The following ARHGAP10 variants were observed in gnomAD, a reference collection of about 807,000 sequenced individuals.
The protein encoded by ARHGAP10 is Rho GTPase activating protein 10, also known as rho GTPase-activating protein 10.
In ARHGAP10, 87 loss-of-function variants were observed where a neutral mutation model predicts 108.6. That is an observed-to-expected ratio of 0.80 (90% CI 0.67 to 0.96). The LOEUF is 0.96. Among genes scored for constraint, ARHGAP10 ranks in the 40% least tolerant of loss-of-function variants. ARHGAP10 has a pLI of 0.00. For missense variants in ARHGAP10, 939 were observed against 954.5 expected (o/e 0.98, Z 0.21); for synonymous variants, 347 against 341.1 (o/e 1.02, Z -0.19).
At chr4:147,952,992 G>T (rs573104898) in intron 15 of ARHGAP10, among the ~76,000 whole-genome samples, 3 of 151,924 alleles carry the variant, frequency 2.0e-5, no homozygotes, top group African/African-American at 4.8e-5. Context: ...GTTCTAGTAC[G>T]ATTTGTAGGA....
At position 148,027,340 on chromosome 4, in the gene ARHGAP10, A is replaced by G. The variant is rs763876286; in HGVS notation, c.1867+3927A>G. ...GAAAACAAAATCATCTTGCAAGCCA[A>G]TTGGCAAGATTTAATAACATTTGAG... On this transcript the variant is annotated intron_variant, in intron 19 of 22. Coordinates refer to ENST00000336498, the MANE Select transcript of ARHGAP10 (RefSeq NM_024605.4). Among the ~76,000 whole-genome samples, 13 of 152,352 alleles carry G rather than the reference A, an allele frequency of 8.5e-5. 1 individual carries two copies. Among genetic ancestry groups the G allele is most frequent in the South Asian group, 6.2e-4 (3 of 4,828 alleles).
chr4:147,753,841 G>A (rs910448556), intron 1 of ARHGAP10, among the ~76,000 whole-genome samples: 5 of 152,174 alleles, frequency 3.3e-5, no homozygotes, highest in African/African-American at 9.7e-5. Context: ...AGGCTGCACC[G>A]TTTAATAATT....
chr4:147,732,476 G>A (rs774903098), intron 1 of ARHGAP10, 21 bp downstream of exon 1: 12 of 1,608,442 alleles, frequency 7.5e-6, no homozygotes, highest in Non-Finnish European at 1.0e-5. Context: ...ACGCGGGCGC[G>A]GACGGGCTGC....
At chr4:147,753,012 A>G (rs1025766165) in intron 1 of ARHGAP10, among the ~76,000 whole-genome samples, 3 of 152,244 alleles carry the variant, frequency 2.0e-5, no homozygotes, top group Non-Finnish European at 2.9e-5. Context: ...AGATTCACCT[A>G]TGAGGAGCCT....
chr4:147,770,956 G>T (rs1367815090), intron 1 of ARHGAP10, among the ~76,000 whole-genome samples: 4 of 152,126 alleles, frequency 2.6e-5, no homozygotes, highest in African/African-American at 4.8e-5. Context: ...TTGTCACATG[G>T]TCTTACCTCT....
chr4:148,060,354 T>C (rs1003975501), intron 20 of ARHGAP10, among the ~76,000 whole-genome samples: 3 of 151,448 alleles, frequency 2.0e-5, no homozygotes, highest in African/African-American at 7.3e-5. Context: ...AGTTTTTTTT[T>C]TTTTTTTTTT....
intron 1 of ARHGAP10, among the ~76,000 whole-genome samples, chr4:147,741,496 T>A (rs1728654168): frequency 6.6e-6 from 1 of 152,106 alleles, no homozygotes; most frequent in Non-Finnish European, 1.5e-5. Context: ...ACAATGTACA[T>A]GGAGAATTCT....
At chr4:147,874,513 A>T (rs1158434929) in intron 7 of ARHGAP10, among the ~76,000 whole-genome samples, 1 of 152,186 alleles carries the variant, frequency 6.6e-6, no homozygotes, top group East Asian at 1.9e-4. Context: ...TGCAATTGCC[A>T]TGACCTGGAA....
intron 11 of ARHGAP10, among the ~76,000 whole-genome samples, chr4:147,906,997 T>G (rs914791622): frequency 1.3e-5 from 2 of 152,188 alleles, no homozygotes; most frequent in African/African-American, 4.8e-5. Flanking sequence ...AATTTCATCT[T>G]TCCTACTTGA....
intron 1 of ARHGAP10, among the ~76,000 whole-genome samples, chr4:147,765,343 G>GGC (rs1729761899): frequency 1.4e-5 from 2 of 147,058 alleles, no homozygotes; most frequent in South Asian, 2.2e-4. Flanking sequence ...TGTGTGGGGG[G>GGC]GGGGGTGTGA....
intron 1 of ARHGAP10, among the ~76,000 whole-genome samples, chr4:147,812,048 G>T (rs1425995821): frequency 6.6e-6 from 1 of 152,146 alleles, no homozygotes; most frequent in Non-Finnish European, 1.5e-5. Context: ...AGAGTAGTGG[G>T]AATGTTTTTC....
intron 3 of ARHGAP10, among the ~76,000 whole-genome samples, chr4:147,835,263 T>C (rs533416883): frequency 6.6e-6 from 1 of 152,346 alleles, no homozygotes; most frequent in South Asian, 2.1e-4. Context: ...TACTGTTGAC[T>C]GCCACTTTTT....
chr4:147,793,300 A>G (rs1731192417), intron 1 of ARHGAP10, among the ~76,000 whole-genome samples: 7 of 135,536 alleles, frequency 5.2e-5, no homozygotes, highest in African/African-American at 1.9e-4. Context: ...AAAATATAAC[A>G]CACACATATA....
intron 3 of ARHGAP10, among the ~76,000 whole-genome samples, chr4:147,837,922 A>C (rs1733243246): frequency 6.6e-6 from 1 of 152,070 alleles, no homozygotes; most frequent in South Asian, 2.1e-4. Flanking sequence ...AAACATAATA[A>C]AATTGTTTCA....
intron 1 of ARHGAP10, among the ~76,000 whole-genome samples, chr4:147,777,333 A>G (rs1283418263): frequency 1.3e-5 from 2 of 149,912 alleles, no homozygotes; most frequent in Admixed American, 1.3e-4. Flanking sequence ...ATTTCGGCTC[A>G]CTGCAAGCTC....
intron 1 of ARHGAP10, among the ~76,000 whole-genome samples, chr4:147,733,491 C>T (rs1728305835): frequency 6.6e-6 from 1 of 152,098 alleles, no homozygotes; most frequent in Non-Finnish European, 1.5e-5. Flanking sequence ...GGGCTGGGTT[C>T]TTAGGGCCTT....
chr4:147,982,123 G>C (rs1027921736), intron 18 of ARHGAP10, among the ~76,000 whole-genome samples: 2 of 152,174 alleles, frequency 1.3e-5, no homozygotes, highest in Admixed American at 6.5e-5. Flanking sequence ...CTGCAGCTTT[G>C]ACTTCCCAGG....
chr4:147,805,227 A>G (rs1013597539), intron 1 of ARHGAP10, among the ~76,000 whole-genome samples: 6 of 152,180 alleles, frequency 3.9e-5, no homozygotes, highest in Non-Finnish European at 8.8e-5. Flanking sequence ...TTTACTGAAT[A>G]GGGAGTCCTT....
intron 20 of ARHGAP10, among the ~76,000 whole-genome samples, chr4:148,047,265 A>G (rs1165161045): frequency 5.3e-5 from 8 of 152,178 alleles, no homozygotes; most frequent in African/African-American, 1.9e-4. Flanking sequence ...GGGTAGCTGG[A>G]TGCTATGTCA....
Sources: gnomAD v4.1 joint callset for allele counts (sites outside exome capture counted in the v4.1 genomes callset) on GRCh38, gnomAD v4.1.1 for gene constraint, MANE v1.5 for transcripts, NCBI Gene and HGNC (gene_info 2026-07-23, HGNC 2026-07-21) for gene names.